CNTN5: variants seen among roughly 807,000 people sequenced by gnomAD.
CNTN5 encodes the protein contactin 5.
A neutral mutation model predicts 129.1 loss-of-function variants in CNTN5; 77 were observed. The observed-to-expected ratio is 0.60, with a 90% CI of 0.50 to 0.72. The LOEUF is 0.72. Among genes scored for constraint, CNTN5 ranks in the 30% least tolerant of loss-of-function variants. The pLI is 0.00. For missense variants in CNTN5, 1,478 were observed against 1,328.8 expected (o/e 1.11, Z -1.75); for synonymous variants, 509 against 465.6 (o/e 1.09, Z -1.20).
chr11:100,255,668 A>G (rs985739655), intron 16 of CNTN5, 92 bp from the exon 17 acceptor site: 5 of 1,083,160 alleles, frequency 4.6e-6, no homozygotes, highest in East Asian at 2.4e-5. Flanking sequence ...AGGTGATTAC[A>G]TAGTTGGATG....
At chr11:100,311,787 A>C (rs1316485236) in intron 21 of CNTN5, among the ~76,000 whole-genome samples, 1 of 152,050 alleles carries the variant, frequency 6.6e-6, no homozygotes, top group East Asian at 1.9e-4. Context: ...AGTAACCTTG[A>C]TGAGAGAGAT....
At chr11:100,036,449 G>A (rs543436374) in intron 9 of CNTN5, among the ~76,000 whole-genome samples, 202 of 151,062 alleles carry the variant, frequency 1.3e-3, no homozygotes, top group Non-Finnish European at 2.3e-3. Context: ...TTGGCGATGC[G>A]GGCTCTTTTT....
intron 1 of CNTN5, among the ~76,000 whole-genome samples, chr11:99,089,447 G>T (rs975120401): frequency 6.6e-6 from 1 of 152,122 alleles, no homozygotes; most frequent in Non-Finnish European, 1.5e-5. Context: ...TATACTCATT[G>T]TTTAGACAAG....
chr11:100,051,760 A>T (rs1313989981), intron 9 of CNTN5, among the ~76,000 whole-genome samples: 1 of 151,942 alleles, frequency 6.6e-6, no homozygotes, highest in Non-Finnish European at 1.5e-5. Flanking sequence ...TGAAAGAGGA[A>T]ACATCACTAC....
At chr11:99,501,557 G>T (rs1445662816) in intron 2 of CNTN5, among the ~76,000 whole-genome samples, 1 of 152,144 alleles carries the variant, frequency 6.6e-6, no homozygotes, top group Non-Finnish European at 1.5e-5. Context: ...AGTTGCAAAA[G>T]AACTGATTTG....
At chr11:99,807,879 A>G (rs1017335428) in intron 3 of CNTN5, among the ~76,000 whole-genome samples, 1 of 152,108 alleles carries the variant, frequency 6.6e-6, no homozygotes, top group Non-Finnish European at 1.5e-5. Context: ...TGTAGTGCGC[A>G]TATATTTGTT....
intron 2 of CNTN5, among the ~76,000 whole-genome samples, chr11:99,473,242 T>G (rs1945243776): frequency 6.6e-6 from 1 of 152,186 alleles, no homozygotes; most frequent in Non-Finnish European, 1.5e-5. Flanking sequence ...ATACTTGAAA[T>G]GAAGGCTATT....
intron 2 of CNTN5, among the ~76,000 whole-genome samples, chr11:99,409,225 G>A (rs1052202584): frequency 1.3e-5 from 2 of 152,226 alleles, no homozygotes; most frequent in African/African-American, 4.8e-5. Context: ...AGCACTTTGG[G>A]AGGCCATGGT....
chr11:99,855,419 G>C lies in CNTN5; in HGVS notation c.577+10157G>C, dbSNP rs541312195. Among the ~76,000 whole-genome samples the C allele has an allele frequency of 5.3e-5, 8 of 152,248 alleles. No homozygotes were observed. The South Asian group carries it at 1.2e-3, about 24-fold the overall frequency. On this transcript the variant is annotated intron_variant, in intron 6 of 24. Transcript: ENST00000524871. ...ATAATCCAAGGCAAACCATTTTCCA[G>C]CTTTCTCTGTAATTATGAGGCTATC...
intron 2 of CNTN5, among the ~76,000 whole-genome samples, chr11:99,526,265 T>C (rs780345223): frequency 3.9e-5 from 6 of 152,174 alleles, no homozygotes; most frequent in Non-Finnish European, 7.3e-5. Flanking sequence ...TGCTTCAAAA[T>C]AGAGCTCTTC....
rs528121920 is a variant in CNTN5, at chr11:99,308,991, T to A, written c.-209-16355T>A. The stretch of plus-strand genomic sequence containing the variant: ...TCCTTATACAAAATATACATTTGAT[T>A]TTGTATATATTGTATTCTCTGTAAA... On this transcript the variant is annotated intron_variant, in intron 1 of 24. Transcript: ENST00000524871. Among the ~76,000 whole-genome samples the A allele has an allele frequency of 3.9e-5, 6 of 152,260 alleles. No individual in the cohort carries two copies. The East Asian group carries it at 1.2e-3, about 29-fold the overall frequency.
intron 13 of CNTN5, among the ~76,000 whole-genome samples, chr11:100,163,239 G>A (rs998656519): frequency 1.3e-5 from 2 of 151,302 alleles, no homozygotes; most frequent in Non-Finnish European, 3.0e-5. Context: ...TAAAAATAAG[G>A]AGTCAGGTTA....
chr11:100,355,056 A>C (rs759189695), intron 24 of CNTN5, among the ~76,000 whole-genome samples: 1 of 151,696 alleles, frequency 6.6e-6, no homozygotes, highest in Non-Finnish European at 1.5e-5. Flanking sequence ...TTTTTTCTCT[A>C]ATAAACTTAG....
intron 16 of CNTN5, among the ~76,000 whole-genome samples, chr11:100,238,182 T>C (rs1336458810): frequency 6.6e-6 from 1 of 152,148 alleles, no homozygotes; most frequent in Non-Finnish European, 1.5e-5. Flanking sequence ...CATTTAGCAC[T>C]GGGTTTAGTC....
chr11:100,090,230 C>G (rs540148129), intron 13 of CNTN5, among the ~76,000 whole-genome samples: 1 of 152,052 alleles, frequency 6.6e-6, no homozygotes, highest in African/African-American at 2.4e-5. Flanking sequence ...GTGACAAACC[C>G]ACAACCAACA....
At chr11:100,092,223 A>G (rs1378807740) in intron 13 of CNTN5, among the ~76,000 whole-genome samples, 2 of 152,134 alleles carry the variant, frequency 1.3e-5, no homozygotes, top group East Asian at 1.9e-4. Context: ...GTTTTCTACT[A>G]GTTTAAATTC....
chr11:99,376,574 G>A (rs950880605), intron 2 of CNTN5, among the ~76,000 whole-genome samples: 4 of 152,108 alleles, frequency 2.6e-5, no homozygotes, highest in Admixed American at 2.6e-4. Context: ...GTCTAGTCAA[G>A]GTATCCTTGA....
chr11:99,913,743 C>T (rs929042054), intron 6 of CNTN5, among the ~76,000 whole-genome samples: 2 of 152,014 alleles, frequency 1.3e-5, no homozygotes, highest in Admixed American at 6.6e-5. Context: ...TAATTTAGGA[C>T]TGTTTTCTAT....
chr11:100,311,168 G>C (rs1951464960), intron 21 of CNTN5, among the ~76,000 whole-genome samples: 1 of 151,908 alleles, frequency 6.6e-6, no homozygotes, highest in Admixed American at 6.6e-5. Context: ...TAGAGTGGTA[G>C]CAGTGGAGTT....
Sources: gnomAD v4.1 joint callset for allele counts (sites outside exome capture counted in the v4.1 genomes callset) on GRCh38, gnomAD v4.1.1 for gene constraint, MANE v1.5 for transcripts, NCBI Gene and HGNC (gene_info 2026-07-23, HGNC 2026-07-21) for gene names.